Variants in LRP8 observed in about 807,000 individuals in gnomAD.
The protein encoded by LRP8 is LDL receptor related protein 8.
LRP8 carries 46 observed loss-of-function variants against 111.6 expected under a neutral mutation model. The observed-to-expected ratio is 0.41, with a 90% CI of 0.33 to 0.53. The LOEUF is 0.53. LRP8 is among the 20% of genes least tolerant of loss of function. LRP8 has a pLI of 0.20. For synonymous variants in LRP8, 464 were observed against 511.2 expected, an observed-to-expected ratio of 0.91 and a Z score of 1.24; for missense variants, 959 against 1,297.4, an observed-to-expected ratio of 0.74 and a Z score of 4.01.
intron 15 of LRP8, 83 bp downstream of exon 15, chr1:53,257,157 G>T: frequency 1.6e-6 from 2 of 1,260,384 alleles, no homozygotes; most frequent in Non-Finnish European, 2.3e-6. Context: ...GCTCTGGTAG[G>T]TTCTGTCTTA....
chr1:53,290,129 A>C (rs1303706109), intron 2 of LRP8, among the ~76,000 whole-genome samples: 1 of 152,178 alleles, frequency 6.6e-6, no homozygotes, highest in Non-Finnish European at 1.5e-5. Context: ...GTGATCATGA[A>C]TCCTACACAT....
At chr1:53,327,519 C>A (rs1655308516) in intron 1 of LRP8, 5 of 367,560 alleles carry the variant, frequency 1.4e-5, no homozygotes, top group Non-Finnish European at 2.4e-5. Flanking sequence ...CCATGAATGG[C>A]CGCCCCTCCG....
chr1:53,277,533 G>C (rs963022941), intron 4 of LRP8, among the ~76,000 whole-genome samples: 6 of 152,246 alleles, frequency 3.9e-5, no homozygotes, highest in Middle Eastern at 3.4e-3. Context: ...GGCGTCTCTT[G>C]GGTCAGTCCT....
chr1:53,262,191 G>C lies in LRP8; in HGVS notation c.1791C>G (p.Arg597=). The C allele has an allele frequency of 6.2e-7, 1 of 1,613,540 alleles. No homozygotes were observed. Among genetic ancestry groups the C allele is most frequent in the Admixed American group, 1.7e-5 (1 of 60,024 alleles). The change falls in exon 12 of 19, where the codon CGC becomes CGG. Residue 597 remains arginine (R), a synonymous_variant. Coordinates refer to ENST00000306052, the MANE Select transcript of LRP8 (RefSeq NM_004631.5). The surrounding 1 kb of genome is among the most constrained non-coding windows in gnomAD (Gnocchi z 4.8). ...GTAGCTTGGAGTCTACCCAGTACAA[G>C]CGCTGGCTCAGCAGATCTTGGGAAG... ...NGITLDLLSQ[R]LYWVDSKLHQ... is the part of the protein sequence containing the mutation.
intron 9 of LRP8, among the ~76,000 whole-genome samples, chr1:53,264,686 C>T (rs1028239817): frequency 1.1e-4 from 16 of 152,156 alleles, no homozygotes; most frequent in Non-Finnish European, 4.4e-5. Flanking sequence ...GCTATGGCAG[C>T]AGAGGCATGG....
At chr1:53,299,867 G>A (rs1032526828) in intron 2 of LRP8, among the ~76,000 whole-genome samples, 6 of 152,244 alleles carry the variant, frequency 3.9e-5, no homozygotes, top group African/African-American at 1.4e-4. Context: ...TGGTGAGTTG[G>A]ATGAGATAAG....
At chr1:53,295,093 T>G (rs1649448813) in intron 2 of LRP8, among the ~76,000 whole-genome samples, 1 of 152,162 alleles carries the variant, frequency 6.6e-6, no homozygotes, top group East Asian at 1.9e-4. Context: ...GTGGGAGGGC[T>G]GCACTTGAAC....
At chr1:53,287,361 C>CT (rs1255395522) in intron 3 of LRP8, among the ~76,000 whole-genome samples, 1 of 152,232 alleles carries the variant, frequency 6.6e-6, no homozygotes, top group Non-Finnish European at 1.5e-5. Flanking sequence ...GGTATCATGG[C>CT]TCTTGCACCC....
At chr1:53,252,469 G>A (rs187746755) in intron 16 of LRP8, among the ~76,000 whole-genome samples, 15 of 151,886 alleles carry the variant, frequency 9.9e-5, no homozygotes, top group East Asian at 1.9e-4. Context: ...CCAGGAGTTC[G>A]AGGATGCAGT....
intron 4 of LRP8, 83 bp from the exon 5 acceptor site, chr1:53,277,161 C>T (rs577791380): frequency 1.5e-6 from 2 of 1,349,806 alleles, no homozygotes; most frequent in Non-Finnish European, 1.9e-6. Context: ...ACAGGGGCTC[C>T]GACCCTCACC....
chr1:53,318,178 C>T (rs1023845980), intron 2 of LRP8, among the ~76,000 whole-genome samples: 5 of 151,780 alleles, frequency 3.3e-5, no homozygotes, highest in Admixed American at 6.5e-5. Flanking sequence ...TAGAACGCTG[C>T]GGAGGAGATG....
intron 8 of LRP8, among the ~76,000 whole-genome samples, chr1:53,270,529 G>GGTCC (rs1646726449): frequency 1.3e-5 from 2 of 152,302 alleles, no homozygotes; most frequent in African/African-American, 2.4e-5. Flanking sequence ...AGTAAGGGGA[G>GGTCC]GTCCCACAAG....
chr1:53,299,222 G>T (rs1650339642), intron 2 of LRP8, among the ~76,000 whole-genome samples: 1 of 152,164 alleles, frequency 6.6e-6, no homozygotes, highest in African/African-American at 2.4e-5. Flanking sequence ...GGGGTGGCGG[G>T]TCCCTGGCTG....
intron 2 of LRP8, among the ~76,000 whole-genome samples, chr1:53,304,289 G>A (rs1215984790): frequency 6.6e-6 from 1 of 152,142 alleles, no homozygotes; most frequent in Non-Finnish European, 1.5e-5. Context: ...TGGGAATGAG[G>A]GAAAATTCCC....
chr1:53,282,852 T>C (rs893395041), intron 3 of LRP8, among the ~76,000 whole-genome samples: 2 of 152,144 alleles, frequency 1.3e-5, no homozygotes, highest in African/African-American at 4.8e-5. Context: ...GATACAGATG[T>C]TCCATACACT....
At chr1:53,307,749 A>C (rs1023574550) in intron 2 of LRP8, among the ~76,000 whole-genome samples, 1 of 152,234 alleles carries the variant, frequency 6.6e-6, no homozygotes, top group Non-Finnish European at 1.5e-5. Context: ...ATTCTCCCAG[A>C]GGGCTGCCAT....
intron 16 of LRP8, among the ~76,000 whole-genome samples, chr1:53,251,156 T>C (rs1186126411): frequency 2.0e-5 from 3 of 152,232 alleles, no homozygotes; most frequent in Non-Finnish European, 4.4e-5. Flanking sequence ...TATGTATCTG[T>C]ACTCCCAACT....
At chr1:53,271,554 C>T (rs982770178) in intron 6 of LRP8, among the ~76,000 whole-genome samples, 1 of 152,060 alleles carries the variant, frequency 6.6e-6, no homozygotes, top group Non-Finnish European at 1.5e-5. Flanking sequence ...CTACTCCAGG[C>T]CAGACACAGA....
At chr1:53,318,540 TAAAG>T (rs1370198270) in intron 2 of LRP8, among the ~76,000 whole-genome samples, 1 of 152,118 alleles carries the variant, frequency 6.6e-6, no homozygotes, top group African/African-American at 2.4e-5. Context: ...GAACTTATCT[TAAAG>T]AAAGGACCAA....
Sources: allele counts gnomAD v4.1 joint callset (sites outside exome capture counted in the v4.1 genomes callset), GRCh38; gene constraint gnomAD v4.1.1; non-coding constraint Gnocchi (gnomAD v3.1); transcripts MANE v1.5; gene names NCBI Gene and HGNC (gene_info 2026-07-23, HGNC 2026-07-21).